The following SNX24 variants were observed in gnomAD, a reference collection of about 807,000 sequenced individuals.
The protein encoded by SNX24 is sorting nexin-24.
In SNX24, 22 loss-of-function variants were observed where a neutral mutation model predicts 28.7. The ratio of observed to expected loss-of-function variants is 0.77; its 90% confidence interval spans 0.55 to 1.10. The LOEUF is 1.10. Ranked by LOEUF, SNX24 falls within the 50% of genes least tolerant of loss-of-function variation. SNX24 has a pLI of 0.00. For missense variants in SNX24, 221 were observed against 201.1 expected (o/e 1.10, Z -0.60); for synonymous variants, 69 against 71.5 (o/e 0.96, Z 0.18).
chr5:122,914,532 CTT>C (rs1758072735), intron 1 of SNX24, among the ~76,000 whole-genome samples: 1 of 150,774 alleles, frequency 6.6e-6, no homozygotes, highest in East Asian at 1.9e-4. Context: ...GTCCTGGACT[CTT>C]TTTGGTTGGT....
intron 2 of SNX24, 85 bp downstream of exon 2, chr5:122,936,902 C>T: frequency 1.4e-6 from 1 of 707,936 alleles, no homozygotes; most frequent in South Asian, 2.3e-5. Context: ...GGTTCTAAGA[C>T]CATTGATATT....
At chr5:122,879,122 T>C (rs1299003367) in intron 1 of SNX24, among the ~76,000 whole-genome samples, 1 of 152,206 alleles carries the variant, frequency 6.6e-6, no homozygotes, top group Non-Finnish European at 1.5e-5. Flanking sequence ...TAACATGTAA[T>C]CTGTGTAAAC....
intron 1 of SNX24, among the ~76,000 whole-genome samples, chr5:122,882,545 C>T (rs958006516): frequency 1.3e-5 from 2 of 152,216 alleles, no homozygotes; most frequent in African/African-American, 4.8e-5. Context: ...CTGCCCTCAT[C>T]TCTTTGTTCT....
At chr5:122,941,015 C>G (rs1028067157) in intron 2 of SNX24, among the ~76,000 whole-genome samples, 4 of 152,184 alleles carry the variant, frequency 2.6e-5, no homozygotes, top group African/African-American at 9.7e-5. Context: ...TTGTGTCCAT[C>G]ATAACATCTC....
At chr5:122,983,186 T>C (rs1225245840) in intron 3 of SNX24, 1 of 117,912 alleles carries the variant, frequency 8.5e-6, no homozygotes, top group South Asian at 2.4e-4. Flanking sequence ...TCAAGTGAGA[T>C]TTTTCAGCCT....
At position 122,910,991 on chromosome 5, in the gene SNX24, G is replaced by A. The variant is rs533647856; in HGVS notation, c.61-25743G>A. Among the ~76,000 whole-genome samples the A allele has an allele frequency of 1.1e-4, 16 of 152,228 alleles. 1 individual carries two copies. The South Asian group carries it at 3.1e-3, about 30-fold the overall frequency. On this transcript the variant is annotated intron_variant, in intron 1 of 6. Coordinates refer to ENST00000261369, the MANE Select transcript of SNX24 (RefSeq NM_014035.4). ...TCCTTTGGGTATATACCCAGTAATG[G>A]GATGGCTGGGTCAAATGGTATTTGT...
intron 1 of SNX24, among the ~76,000 whole-genome samples, chr5:122,917,174 T>C (rs1179967936): frequency 6.6e-6 from 1 of 151,608 alleles, no homozygotes; most frequent in Non-Finnish European, 1.5e-5. Context: ...GGAGAACAGC[T>C]TGAACCCGGG....
rs913475444 is a variant in SNX24, at chr5:122,917,636, T to G, written c.61-19098T>G. Among the ~76,000 whole-genome samples, 44 of 152,160 alleles carry G rather than the reference T, an allele frequency of 2.9e-4. 1 individual carries two copies. Among genetic ancestry groups the G allele is most frequent in the African/African-American group, 9.9e-4 (41 of 41,438 alleles). On this transcript the variant is annotated intron_variant, in intron 1 of 6. Coordinates refer to ENST00000261369, the MANE Select transcript of SNX24 (RefSeq NM_014035.4). ...GTGGTGGTGATGTGCGTCATAAAAT[T>G]TTAGGCCTTTGTGTAAGGACCCTGC...
chr5:123,011,163 A>C (rs1019201588), downstream of SNX24, among the ~76,000 whole-genome samples: 12 of 152,316 alleles, frequency 7.9e-5, no homozygotes, highest in East Asian at 1.9e-3. Context: ...ATTCACAGGC[A>C]ATAGAGAAGT....
chr5:122,967,711 C>T (rs1038636750), intron 3 of SNX24, among the ~76,000 whole-genome samples: 1 of 152,180 alleles, frequency 6.6e-6, no homozygotes, highest in African/African-American at 2.4e-5. Context: ...TTCATTAGAG[C>T]CCACTGCGAT....
intron 1 of SNX24, among the ~76,000 whole-genome samples, chr5:122,891,410 C>G (rs1454188926): frequency 6.6e-6 from 1 of 152,110 alleles, no homozygotes. Context: ...TTGGCACATA[C>G]ACTTGAAGTA....
Position 122,956,352 on chromosome 5 carries a change from G to GAAA in SNX24, c.249+10201_249+10203dup, listed in dbSNP as rs150072652. Reference sequence around the variant, plus strand: ...AAAATAAAACCTTTAAAACACTTGGGAAAAAAAAAATATATACACACACAC... The same window carrying GAAA: ...AAAATAAAACCTTTAAAACACTTGGGAAAAAAAAAAAAATATATACACACACAC... On this transcript the variant is annotated intron_variant, in intron 3 of 6. Transcript: ENST00000261369. Among the ~76,000 whole-genome samples the GAAA allele has an allele frequency of 8.6e-3, 1,238 of 143,666 alleles. 27 individuals carry two copies. Among genetic ancestry groups the GAAA allele is most frequent in the African/African-American group, 0.029 (1,138 of 38,584 alleles). The allele number at this position is 143,666 out of a possible 152,430, so 94.3% of individuals were successfully genotyped here. A position where few individuals can be genotyped will look rare whatever the true frequency, so the allele number is the denominator to read the frequency against.
chr5:122,974,311 G>A (rs1478497476), intron 3 of SNX24, among the ~76,000 whole-genome samples: 1 of 152,172 alleles, frequency 6.6e-6, no homozygotes, highest in African/African-American at 2.4e-5. Context: ...CTTGCTTATA[G>A]GATCCAGTCA....
chr5:122,884,841 C>G (rs940188281), intron 1 of SNX24, among the ~76,000 whole-genome samples: 5 of 152,048 alleles, frequency 3.3e-5, no homozygotes, highest in African/African-American at 1.2e-4. Context: ...GGTATGTAGT[C>G]TCTGAATGGA....
intron 3 of SNX24, among the ~76,000 whole-genome samples, chr5:122,966,647 A>G (rs1171157030): frequency 1.3e-5 from 2 of 152,212 alleles, no homozygotes; most frequent in African/African-American, 2.4e-5. Context: ...GGCCCAGCAT[A>G]AGGAAGATGT....
intron 4 of SNX24, among the ~76,000 whole-genome samples, chr5:123,000,368 A>T (rs139663130): frequency 1.8e-4 from 28 of 152,392 alleles, no homozygotes; most frequent in Admixed American, 1.8e-3. Context: ...GGTGGTACAC[A>T]TTCATATAAT....
At chr5:122,902,553 A>G (rs1017314800) in intron 1 of SNX24, among the ~76,000 whole-genome samples, 1 of 152,124 alleles carries the variant, frequency 6.6e-6, no homozygotes, top group African/African-American at 2.4e-5. Context: ...TTCATTCCAG[A>G]TGAAACTCAG....
intron 1 of SNX24, among the ~76,000 whole-genome samples, chr5:122,889,595 G>GTA (rs1208452765): frequency 5.0e-4 from 65 of 129,340 alleles, no homozygotes; most frequent in East Asian, 1.4e-3. Flanking sequence ...CCGTGTATGT[G>GTA]TATATATATA....
intron 1 of SNX24, among the ~76,000 whole-genome samples, chr5:122,857,340 A>T (rs1274881775): frequency 1.3e-5 from 2 of 151,974 alleles, no homozygotes; most frequent in African/African-American, 2.4e-5. Flanking sequence ...CGGTGTAAGG[A>T]AGAGGTTCAG....
Sources: allele counts gnomAD v4.1 joint callset (sites outside exome capture counted in the v4.1 genomes callset), GRCh38; gene constraint gnomAD v4.1.1; transcripts MANE v1.5; gene names NCBI Gene and HGNC (gene_info 2026-07-23, HGNC 2026-07-21).